The following TNIK variants were observed in gnomAD, a reference collection of about 807,000 sequenced individuals.
TNIK encodes TRAF2 and NCK interacting kinase, also known as TRAF2 and NCK-interacting protein kinase.
Under a neutral mutation model 191.3 loss-of-function variants are expected in TNIK, and 49 were observed. That is an observed-to-expected ratio of 0.26 (90% CI 0.20 to 0.32). The LOEUF (loss-of-function observed/expected upper bound fraction) is 0.32, where lower values mean the gene tolerates loss of function less well. Ranked by LOEUF, TNIK falls within the 10% of genes least tolerant of loss-of-function variation. The pLI, the probability that TNIK is intolerant of heterozygous loss-of-function variation, is 1.00. For synonymous variants in TNIK, 594 were observed against 600.9 expected (o/e 0.99, Z 0.17); for missense variants, 1,155 against 1,702.3 (o/e 0.68, Z 5.66).
At chr3:171,328,610 C>T (rs935317507) in intron 2 of TNIK, among the ~76,000 whole-genome samples, 2 of 152,300 alleles carry the variant, frequency 1.3e-5, no homozygotes, top group Middle Eastern at 3.4e-3. Context: ...TTAAAAGCTT[C>T]TCTTTTAAGA....
At chr3:171,455,038 T>C (rs1039168923) in intron 1 of TNIK, among the ~76,000 whole-genome samples, 7 of 152,208 alleles carry the variant, frequency 4.6e-5, no homozygotes, top group African/African-American at 1.4e-4. Flanking sequence ...TTTAGAAATA[T>C]GTTAATCTCC....
chr3:171,421,717 T>C (rs1476465028), intron 1 of TNIK, among the ~76,000 whole-genome samples: 2 of 145,692 alleles, frequency 1.4e-5, no homozygotes, highest in African/African-American at 5.3e-5. Context: ...TCCTGATTAG[T>C]TGTGTAATTT....
chr3:171,132,269 T>C (rs924713910), intron 15 of TNIK, among the ~76,000 whole-genome samples: 3 of 152,208 alleles, frequency 2.0e-5, no homozygotes. Context: ...CACAGACTGA[T>C]CAACTTCACT....
In TNIK at chr3:171,388,138, A is replaced by G. The variant is rs914633982; in HGVS notation, c.58-18453T>C. ...TATTTTGGTGATTTCCATATATCCT[A>G]AAGTACTCAATACAAAGACTGGCCT... On this transcript the variant is annotated intron_variant, in intron 1 of 32. Transcript: ENST00000436636. 9.2e-5 allele frequency among the ~76,000 whole-genome samples: 14 copies of G among 152,334 alleles called. No individual in the cohort carries two copies. The East Asian group carries it at 2.3e-3, about 25-fold the overall frequency.
intron 12 of TNIK, among the ~76,000 whole-genome samples, chr3:171,147,831 T>G (rs1278021156): frequency 1.3e-5 from 2 of 152,142 alleles, no homozygotes; most frequent in Non-Finnish European, 2.9e-5. Context: ...GAGGCCAGGA[T>G]TTATATTCCA....
rs976703676 is a variant in TNIK, at chr3:171,214,587, C to G, written c.181-3346G>C. Among the ~76,000 whole-genome samples the G allele has an allele frequency of 1.9e-4, 29 of 152,160 alleles. No individual in the cohort carries two copies. In the East Asian group the frequency reaches 5.6e-3, roughly 29 times the overall value. On this transcript the variant is annotated intron_variant, in intron 3 of 32. Transcript: ENST00000436636. ...TAAGTATTAAGCACAAGGATCAAGCCCTCTGATAAACTAATGACCACTGGG... is the reference window on the plus strand; with the variant it reads ...TAAGTATTAAGCACAAGGATCAAGCGCTCTGATAAACTAATGACCACTGGG...
chr3:171,320,270 A>T (rs1265355543), intron 2 of TNIK, among the ~76,000 whole-genome samples: 1 of 152,178 alleles, frequency 6.6e-6, no homozygotes, highest in Non-Finnish European at 1.5e-5. Flanking sequence ...AGTACCCATG[A>T]TGATATTCTA....
intron 12 of TNIK, among the ~76,000 whole-genome samples, chr3:171,152,339 A>C (rs1391359434): frequency 6.6e-6 from 1 of 152,140 alleles, no homozygotes; most frequent in African/African-American, 2.4e-5. Flanking sequence ...GAATGTGAAC[A>C]AAAAGCTGAT....
intron 12 of TNIK, among the ~76,000 whole-genome samples, 168 bp from the exon 13 acceptor site, chr3:171,140,677 G>A (rs1258264101): frequency 1.3e-5 from 2 of 152,152 alleles, no homozygotes; most frequent in Non-Finnish European, 2.9e-5. Context: ...CTGGCAGGGA[G>A]CGGGTGAGAG....
chr3:171,093,935 G>A lies in TNIK; in HGVS notation c.2625C>T (p.Tyr875=), dbSNP rs1560099678. Residue 875 remains tyrosine, a synonymous_variant, in exon 23 of 33, where the codon TAC becomes TAT. Transcript: ENST00000436636. ...CATGCGTCCCCACCATTCCCACATT[G>A]TACTGCTCGTTGCTGCCTGGAGCTC... The part of the protein sequence containing the change: ...PTGAPGSNEQ[Y]NVGMVGTHGL... The A allele has an allele frequency of 4.3e-6, 7 of 1,613,696 alleles. No homozygotes were observed. The East Asian group carries it at 8.9e-5, about 21-fold the overall frequency.
At chr3:171,103,966 C>CTT (rs1724115542) in intron 21 of TNIK, among the ~76,000 whole-genome samples, 3 of 152,084 alleles carry the variant, frequency 2.0e-5, no homozygotes. Context: ...TTTAGAAACA[C>CTT]TTTAAAGTTC....
At chr3:171,148,412 G>A (rs1731938223) in intron 12 of TNIK, among the ~76,000 whole-genome samples, 1 of 152,210 alleles carries the variant, frequency 6.6e-6, no homozygotes, top group Admixed American at 6.5e-5. Context: ...TGGGAGAACA[G>A]TCACACGGGA....
At chr3:171,383,017 T>C (rs1718248853) in intron 1 of TNIK, among the ~76,000 whole-genome samples, 1 of 152,200 alleles carries the variant, frequency 6.6e-6, no homozygotes, top group African/African-American at 2.4e-5. Flanking sequence ...CAAAGGTTAT[T>C]TTATTTCATC....
At chr3:171,100,009 G>A (rs148869999) in intron 22 of TNIK, among the ~76,000 whole-genome samples, 27 of 152,238 alleles carry the variant, frequency 1.8e-4, no homozygotes, top group East Asian at 5.8e-4. Context: ...ATCCAAGTAC[G>A]AACTTATCAG....
intron 1 of TNIK, among the ~76,000 whole-genome samples, chr3:171,405,942 T>C (rs1721611730): frequency 6.6e-6 from 1 of 152,082 alleles, no homozygotes; most frequent in Admixed American, 6.6e-5. Flanking sequence ...AAATCATCTG[T>C]CTAAGTCCCC....
chr3:171,069,708 G>A (rs1448859466), intron 29 of TNIK, among the ~76,000 whole-genome samples: 1 of 152,222 alleles, frequency 6.6e-6, no homozygotes, highest in Non-Finnish European at 1.5e-5. Context: ...TAACTGTCAA[G>A]TGTTCCTCTG....
At chr3:171,083,374 C>T (rs1011874716) in intron 26 of TNIK, among the ~76,000 whole-genome samples, 9 of 152,196 alleles carry the variant, frequency 5.9e-5, no homozygotes, top group South Asian at 4.1e-4. Context: ...CACTCTTCCC[C>T]GCTAACATCT....
At chr3:171,414,269 T>C (rs1722775834) in intron 1 of TNIK, among the ~76,000 whole-genome samples, 1 of 152,236 alleles carries the variant, frequency 6.6e-6, no homozygotes, top group African/African-American at 2.4e-5. Flanking sequence ...AAGTGATCAT[T>C]CCCTTAGTTC....
intron 8 of TNIK, 60 bp downstream of exon 8, chr3:171,177,266 A>G (rs1736080436): frequency 6.5e-7 from 1 of 1,548,250 alleles, no homozygotes; most frequent in African/African-American, 1.4e-5. Context: ...CCTGGCAAGG[A>G]AACTTCAGTA....
Sources: allele counts gnomAD v4.1 joint callset (sites outside exome capture counted in the v4.1 genomes callset), GRCh38; gene constraint gnomAD v4.1.1; transcripts MANE v1.5; gene names NCBI Gene and HGNC (gene_info 2026-07-23, HGNC 2026-07-21).